Variants in ZDHHC24 observed in about 807,000 individuals in gnomAD.
The protein encoded by ZDHHC24 is probable palmitoyltransferase ZDHHC24.
Under a neutral mutation model 23.2 loss-of-function variants are expected in ZDHHC24, and 17 were observed. That is an observed-to-expected ratio of 0.73 (90% CI 0.50 to 1.10). The LOEUF is 1.10. ZDHHC24 is among the 50% of genes least tolerant of loss of function. The pLI is 0.00. For missense variants in ZDHHC24, 366 were observed against 393.0 expected (o/e 0.93, Z 0.58); for synonymous variants, 186 against 194.5 (o/e 0.96, Z 0.36).
In ZDHHC24 at chr11:66,537,554, G is replaced by A. The variant is rs1009434511; in HGVS notation, c.*1975C>T. The stretch of plus-strand genomic sequence containing the variant: ...CCATCTTTGAAAATGTCAGCCAGGC[G>A]GCCGGGCACGGTGGCTCACACCTGT... On this transcript the variant is annotated 3_prime_UTR_variant, in exon 3 of 3. Coordinates refer to ENST00000310442, the MANE Select transcript of ZDHHC24 (RefSeq NM_207340.3). The A allele has an allele frequency of 6.6e-6, 1 of 151,942 alleles. No homozygotes were observed. Among genetic ancestry groups the A allele is most frequent in the Non-Finnish European group, 1.5e-5 (1 of 68,064 alleles). The allele number at this position is 151,942 out of a possible 1,614,324, so 9.4% of individuals were successfully genotyped here.
chr11:66,524,430 G>A (rs980903515), intron 4 of ZDHHC24, among the ~76,000 whole-genome samples: 9 of 151,678 alleles, frequency 5.9e-5, no homozygotes, highest in East Asian at 1.9e-4. Context: ...TAAAAGGGCC[G>A]ACTGAAGCAG....
chr11:66,532,128 T>A (rs553683297), downstream of ZDHHC24: 33 of 1,354,332 alleles, frequency 2.4e-5, no homozygotes, highest in South Asian at 3.4e-4. Context: ...TGCAGCAGTG[T>A]GCTGGGGCGA....
chr11:66,544,326 G>A (rs1857247332), intron 1 of ZDHHC24, among the ~76,000 whole-genome samples: 2 of 152,202 alleles, frequency 1.3e-5, no homozygotes, highest in East Asian at 3.9e-4. Flanking sequence ...ACTGGTCTCC[G>A]ATTCCACCTT....
At chr11:66,544,043 G>C in intron 1 of ZDHHC24, 62 bp from the exon 2 acceptor site, 2 of 1,579,108 alleles carry the variant, frequency 1.3e-6, no homozygotes, top group Non-Finnish European at 1.7e-6. Flanking sequence ...ATTGTGCACA[G>C]GGCTGCCCCA....
At chr11:66,529,334 T>C (rs756153972) in exon 3 of ZDHHC24, 1 of 1,535,408 alleles carries the variant, frequency 6.5e-7, no homozygotes, top group Non-Finnish European at 8.7e-7. Flanking sequence ...TTCCGCAGCA[T>C]TGAGCCTGAG....
chr11:66,529,246 A>G, intron 3 of ZDHHC24: 1 of 1,512,932 alleles, frequency 6.6e-7, no homozygotes. Context: ...GATCCTGCAA[A>G]CGGTGAGATG....
In ZDHHC24 at chr11:66,526,778, A is replaced by T. The variant is rs374356964; in HGVS notation, c.*21+158T>A. 29 of 1,614,124 alleles carry T rather than the reference A, an allele frequency of 1.8e-5. No individual in the cohort carries two copies. Among genetic ancestry groups the T allele is most frequent in the Non-Finnish European group, 5.1e-6 (6 of 1,180,056 alleles). The stretch of plus-strand genomic sequence containing the variant: ...CGAAAGACCCGGCTTTACGTGGATC[A>T]GACACTGCGAGAGCGGGAGGCTGGC... On this transcript the variant is annotated intron_variant, in intron 4 of 4. Transcript: ENST00000526986.
At chr11:66,520,730 T>A (rs1309554093), downstream of ZDHHC24, 1 of 196,332 alleles carries the variant, frequency 5.1e-6, no homozygotes, top group East Asian at 1.2e-4. Flanking sequence ...CCAAATATCC[T>A]TGCATGCTTG....
intron 4 of ZDHHC24, chr11:66,521,747 A>C (rs1856229386): frequency 3.2e-6 from 1 of 314,138 alleles, no homozygotes; most frequent in Non-Finnish European, 6.2e-6. Flanking sequence ...CTCTACTAAA[A>C]ATACAAAATT....
chr11:66,539,138 G>T lies in ZDHHC24; in HGVS notation c.*391C>A. The T allele has an allele frequency of 1.3e-6, 1 of 767,324 alleles. No homozygotes were observed. Among genetic ancestry groups the T allele is most frequent in the Non-Finnish European group, 1.6e-6 (1 of 626,110 alleles). 47.5% of individuals were successfully genotyped at this position (767,324 alleles called of 1,614,324 possible). A position where few individuals can be genotyped will look rare whatever the true frequency, so the allele number is the denominator to read the frequency against. ...CCCCAACTCACCCAGGCCAGGGGAG[G>T]TAGAGCCCCAGCCCCTGAGACCCTC... is the stretch of plus-strand genomic sequence containing the variant. On this transcript the variant is annotated 3_prime_UTR_variant, in exon 3 of 3. Coordinates refer to ENST00000310442, the MANE Select transcript of ZDHHC24 (RefSeq NM_207340.3).
chr11:66,531,807 T>C (rs1856794541), downstream of ZDHHC24: 1 of 1,610,722 alleles, frequency 6.2e-7, no homozygotes, highest in Non-Finnish European at 8.5e-7. Context: ...TAAGGGTGAG[T>C]GCCAACAAAG....
At chr11:66,532,222 G>C (rs556460213), downstream of ZDHHC24, 3 of 651,046 alleles carry the variant, frequency 4.6e-6, no homozygotes, top group South Asian at 5.7e-5. Flanking sequence ...GAGTACCTAG[G>C]GCGGCTCAAC....
At chr11:66,521,478 A>C (rs759231126) in intron 4 of ZDHHC24, 2 of 907,124 alleles carry the variant, frequency 2.2e-6, no homozygotes, top group Admixed American at 1.9e-5. Context: ...TGGAATTTGG[A>C]AATGCAAAGA....
chr11:66,523,742 G>T, intron 4 of ZDHHC24: 1 of 1,611,996 alleles, frequency 6.2e-7, no homozygotes. Context: ...GCTGTGGACA[G>T]TGCAGATGCC....
downstream of ZDHHC24, chr11:66,531,544 C>T: frequency 1.4e-6 from 2 of 1,406,128 alleles, no homozygotes; most frequent in Non-Finnish European, 2.0e-6. Flanking sequence ...GTTGTCCTGC[C>T]CACCCTGCAG....
At chr11:66,526,383 CGATCTTTCT>C in intron 4 of ZDHHC24, among the ~76,000 whole-genome samples, 1 of 152,306 alleles carries the variant, frequency 6.6e-6, no homozygotes, top group Admixed American at 6.5e-5. Flanking sequence ...GGGCTGGATT[CGATCTTTCT>C]AGTTCACCCA....
At chr11:66,530,848 A>G (rs759559824), downstream of ZDHHC24, 2 of 1,614,088 alleles carry the variant, frequency 1.2e-6, no homozygotes, top group Non-Finnish European at 8.5e-7. Context: ...CTCCGTGCCC[A>G]AGGCTGCCAG....
In ZDHHC24 at chr11:66,537,459, A is replaced by G. The variant is rs535562614; in HGVS notation, c.*2070T>C. ...GAGCCCCTCCGGGGCTCTGGCAGGT[A>G]ATTCCACTTGCCTTTTGGCCCCACC... On this transcript the variant is annotated 3_prime_UTR_variant, in exon 3 of 3. Transcript: ENST00000310442. 1 of 152,154 alleles carries G rather than the reference A, an allele frequency of 6.6e-6. No individual in the cohort carries two copies. The highest frequency in any genetic ancestry group is 2.1e-4 in the South Asian group (1 of 4,816). The allele number at this position is 152,154 out of a possible 1,614,324, so 9.4% of individuals were successfully genotyped here.
In ZDHHC24 at chr11:66,538,213, T is replaced by A. The variant is rs893327271; in HGVS notation, c.*1316A>T. ...GAGTTTGAGACCTGCCTGGCCAACA[T>A]GGTGAAACCCCCGTCTCTACTAAAA... On this transcript the variant is annotated 3_prime_UTR_variant, in exon 3 of 3. Coordinates refer to ENST00000310442, the MANE Select transcript of ZDHHC24 (RefSeq NM_207340.3). 1 of 151,806 alleles carries A rather than the reference T, an allele frequency of 6.6e-6. No individual in the cohort carries two copies. Among genetic ancestry groups the A allele is most frequent in the African/African-American group, 2.4e-5 (1 of 41,304 alleles). 9.4% of individuals were successfully genotyped at this position (151,806 alleles called of 1,614,324 possible). A position where few individuals can be genotyped will look rare whatever the true frequency, so the allele number is the denominator to read the frequency against.
Sources: allele counts gnomAD v4.1 joint callset (sites outside exome capture counted in the v4.1 genomes callset), GRCh38; gene constraint gnomAD v4.1.1; transcripts MANE v1.5; gene names NCBI Gene and HGNC (gene_info 2026-07-23, HGNC 2026-07-21).